LNPK: variants seen among roughly 807,000 people sequenced by gnomAD.
The protein encoded by LNPK is endoplasmic reticulum junction formation protein lunapark.
A neutral mutation model predicts 55.2 loss-of-function variants in LNPK; 29 were observed. That is an observed-to-expected ratio of 0.53 (90% CI 0.39 to 0.72). The LOEUF (loss-of-function observed/expected upper bound fraction) is 0.72. Ranked by LOEUF, LNPK falls within the 30% of genes least tolerant of loss-of-function variation. LNPK has a pLI of 0.00. For synonymous variants in LNPK, 162 were observed against 168.2 expected, an observed-to-expected ratio of 0.96 and a Z score of 0.29; for missense variants, 467 against 494.8, an observed-to-expected ratio of 0.94 and a Z score of 0.53.
intron 1 of LNPK, among the ~76,000 whole-genome samples, chr2:175,999,688 A>G (rs1209026522): frequency 6.6e-6 from 1 of 152,214 alleles, no homozygotes; most frequent in Non-Finnish European, 1.5e-5. Flanking sequence ...GAACATGTAC[A>G]GAGTGTTTCT....
At chr2:175,931,642 T>C (rs1011514496) in intron 12 of LNPK, among the ~76,000 whole-genome samples, 5 of 152,170 alleles carry the variant, frequency 3.3e-5, no homozygotes, top group African/African-American at 1.2e-4. Flanking sequence ...AATTAATTTG[T>C]GCCAAATCTC....
intron 8 of LNPK, among the ~76,000 whole-genome samples, chr2:175,948,355 G>A (rs75571820): frequency 6.6e-6 from 1 of 152,294 alleles, no homozygotes; most frequent in African/African-American, 2.4e-5. Context: ...GCCAAATTCA[G>A]GCTGCCGCCT....
intron 8 of LNPK, among the ~76,000 whole-genome samples, chr2:175,955,854 A>G (rs72912938): frequency 3.9e-5 from 6 of 152,150 alleles, no homozygotes; most frequent in Admixed American, 2.0e-4. Context: ...ACTGATTTTG[A>G]ATTTAGCTGT....
rs112948159 is a variant in LNPK at position 175,938,634 on chromosome 2, A to G, written c.813-251T>C. Reference sequence around the variant, plus strand: ...AAAATAAACTAACAGTTAAATGAATATATCTTTATTAAATTAGCAGAAACA... The same window carrying G: ...AAAATAAACTAACAGTTAAATGAATGTATCTTTATTAAATTAGCAGAAACA... On this transcript the variant is annotated intron_variant, in intron 10 of 12. Transcript: ENST00000272748. 1.1e-3 allele frequency: 287 copies of G among 269,480 alleles called. 1 individual carries two copies. Among genetic ancestry groups the G allele is most frequent in the African/African-American group, 5.9e-3 (269 of 45,290 alleles). 16.7% of individuals were successfully genotyped at this position (269,480 alleles called of 1,614,324 possible). A position where few individuals can be genotyped will look rare whatever the true frequency, so the allele number is the denominator to read the frequency against.
intron 9 of LNPK, among the ~76,000 whole-genome samples, chr2:175,941,851 C>T (rs201898498): frequency 1.0e-5 from 1 of 100,014 alleles, no homozygotes; most frequent in Non-Finnish European, 2.2e-5. Flanking sequence ...AAAAAAAAAA[C>T]AAAAAAAAAA....
intron 12 of LNPK, among the ~76,000 whole-genome samples, chr2:175,931,572 C>A (rs1684281373): frequency 6.6e-6 from 1 of 152,144 alleles, no homozygotes; most frequent in Admixed American, 6.5e-5. Context: ...GGCCCAAATT[C>A]TATAGTTTTA....
intron 5 of LNPK, among the ~76,000 whole-genome samples, chr2:175,971,436 TTA>T (rs1400141296): frequency 6.6e-6 from 1 of 152,186 alleles, no homozygotes; most frequent in Non-Finnish European, 1.5e-5. Flanking sequence ...GATTTACAAA[TTA>T]TTTAAGTTTC....
rs779155517 is a variant in LNPK at position 176,002,172 on chromosome 2, G to A, written c.-75C>T. 1.6e-5 allele frequency: 7 copies of A among 445,598 alleles called. No homozygotes were observed. Among genetic ancestry groups the A allele is most frequent in the Non-Finnish European group, 3.1e-5 (7 of 223,000 alleles). The allele number at this position is 445,598 out of a possible 1,614,324, so 27.6% of individuals were successfully genotyped here. On this transcript the variant is annotated 5_prime_UTR_variant, in exon 1 of 13. Transcript: ENST00000272748. ...TTGAGCGTTCTACCTGCAAGAAGCG[G>A]GCGCAGCCCGGCCCGGGCGTCCACC...
intron 4 of LNPK, among the ~76,000 whole-genome samples, chr2:175,983,798 T>C (rs916618521): frequency 6.6e-6 from 1 of 150,932 alleles, no homozygotes; most frequent in Admixed American, 6.6e-5. Flanking sequence ...AGTCACATTA[T>C]AAAGTTAAAA....
At chr2:175,999,618 T>C (rs562116966) in intron 1 of LNPK, among the ~76,000 whole-genome samples, 1 of 152,334 alleles carries the variant, frequency 6.6e-6, no homozygotes, top group South Asian at 2.1e-4. Context: ...ATCAATTTGC[T>C]TGCCCTGGAT....
chr2:175,964,664 A>C, intron 6 of LNPK, 75 bp from the exon 7 acceptor site: 3 of 780,712 alleles, frequency 3.8e-6, no homozygotes, highest in Non-Finnish European at 6.7e-6. Context: ...CTATTCAAAA[A>C]GGTTTAAATA....
At chr2:175,958,319 C>T (rs999376415) in intron 8 of LNPK, among the ~76,000 whole-genome samples, 2 of 152,078 alleles carry the variant, frequency 1.3e-5, no homozygotes, top group African/African-American at 2.4e-5. Flanking sequence ...AGGGGTCGAC[C>T]GACACCTTAT....
intron 11 of LNPK, 72 bp from the exon 12 acceptor site, chr2:175,937,586 C>A: frequency 1.9e-6 from 2 of 1,077,950 alleles, no homozygotes; most frequent in Non-Finnish European, 2.7e-6. Context: ...AGTTAACTCA[C>A]AAGATCACTT....
At chr2:175,935,202 A>G (rs1684481215) in intron 12 of LNPK, among the ~76,000 whole-genome samples, 1 of 152,218 alleles carries the variant, frequency 6.6e-6, no homozygotes, top group African/African-American at 2.4e-5. Context: ...CAATAACTTC[A>G]TCTCTACACT....
intron 8 of LNPK, among the ~76,000 whole-genome samples, chr2:175,958,492 G>T (rs577017603): frequency 6.6e-6 from 1 of 152,258 alleles, no homozygotes; most frequent in African/African-American, 2.4e-5. Context: ...CTGTTAGAAG[G>T]AAAACTAACA....
intron 12 of LNPK, among the ~76,000 whole-genome samples, chr2:175,933,311 G>A (rs1011123884): frequency 3.4e-4 from 52 of 152,144 alleles, no homozygotes; most frequent in African/African-American, 1.2e-3. Context: ...GCAAAAACAT[G>A]TAAAGAATAT....
chr2:175,960,511 T>A (rs147483205), intron 8 of LNPK, among the ~76,000 whole-genome samples: 1,535 of 152,182 alleles, frequency 0.01, 6 homozygotes, highest in Admixed American at 0.015. Context: ...TTGAAATCAA[T>A]AAGAACAAAG....
intron 2 of LNPK, among the ~76,000 whole-genome samples, chr2:175,993,538 C>T (rs979938440): frequency 1.3e-5 from 2 of 152,224 alleles, no homozygotes; most frequent in Non-Finnish European, 2.9e-5. Flanking sequence ...ATTTTGGCCA[C>T]GCACGGTGGC....
chr2:175,947,552 C>T lies in LNPK; in HGVS notation c.634G>A (p.Val212Ile). 1.2e-6 allele frequency: 2 copies of T among 1,614,062 alleles called. No homozygotes were observed. Among genetic ancestry groups the T allele is most frequent in the East Asian group, 2.2e-5 (1 of 44,872 alleles). Reference protein sequence around the residue: ...SAPGGPPERTVTPALSSNVLP... With the variant: ...SAPGGPPERTITPALSSNVLP... ...ACATTTGATGATAGGGCTGGAGTAACAGTCCTTTCTGGGGGTCCACCAGGG... is the reference window on the plus strand; with the variant it reads ...ACATTTGATGATAGGGCTGGAGTAATAGTCCTTTCTGGGGGTCCACCAGGG... Residue 212 changes from valine (V) to isoleucine (I), a missense_variant, in exon 9 of 13, where the codon GTT becomes ATT. Physicochemically the swap from Val to Ile is conservative, Grantham distance 29. Transcript: ENST00000272748.
Sources: gnomAD v4.1 joint callset for allele counts (sites outside exome capture counted in the v4.1 genomes callset) on GRCh38, gnomAD v4.1.1 for gene constraint, MANE v1.5 for transcripts, NCBI Gene and HGNC (gene_info 2026-07-23, HGNC 2026-07-21) for gene names.